TRMT9B: variants seen among roughly 807,000 people sequenced by gnomAD.
TRMT9B encodes the protein probable tRNA methyltransferase 9B.
In TRMT9B, 16 loss-of-function variants were observed where a neutral mutation model predicts 11.5. That is an observed-to-expected ratio of 1.39 (90% CI 0.94 to 2.11). The LOEUF (loss-of-function observed/expected upper bound fraction) is 2.11. Among genes scored for constraint, TRMT9B ranks in the 30% most tolerant of loss-of-function variants. The pLI is 0.00. For synonymous variants in TRMT9B, 274 were observed against 192.4 expected, an observed-to-expected ratio of 1.42 and a Z score of -3.51; for missense variants, 941 against 553.8, an observed-to-expected ratio of 1.70 and a Z score of -7.02.
chr8:12,948,673 A>AT (rs1563292879), intron 1 of TRMT9B, among the ~76,000 whole-genome samples: 1 of 151,970 alleles, frequency 6.6e-6, no homozygotes, highest in African/African-American at 2.4e-5. Flanking sequence ...TTAGAAAAAA[A>AT]CAGAAGGCCA....
At chr8:12,970,019 A>C (rs1803371950) in intron 1 of TRMT9B, 1 of 152,060 alleles carries the variant, frequency 6.6e-6, no homozygotes, top group South Asian at 2.1e-4. Flanking sequence ...GTCCGTGTGG[A>C]ACTCAGAAAC....
At position 13,021,508 on chromosome 8, in the gene TRMT9B, T is replaced by A. The variant is rs748519108; in HGVS notation, c.829T>A (p.Trp277Arg). 3.7e-6 allele frequency: 6 copies of A among 1,613,658 alleles called. No individual in the cohort carries two copies. The highest frequency in any genetic ancestry group is 5.1e-6 in the Non-Finnish European group (6 of 1,179,636). The change falls in exon 5 of 5, where the codon TGG becomes AGG. Residue 277 changes from tryptophan to arginine, a missense_variant. Trp to Arg is a moderately radical substitution (Grantham distance 101). Coordinates refer to ENST00000524591, the MANE Select transcript of TRMT9B (RefSeq NM_020844.3). ...AAGACCCTTGAAAAACACAGAAGTT[T>A]GGGCCAGTAGCACTGTAACAGTCCA... The part of the protein sequence containing the change: ...RVRPLKNTEV[W>R]ASSTVTVQPS...
At chr8:13,016,879 C>A (rs766139350) in intron 4 of TRMT9B, among the ~76,000 whole-genome samples, 62 of 150,108 alleles carry the variant, frequency 4.1e-4, no homozygotes, top group South Asian at 1.1e-3. Flanking sequence ...AAGAATTATA[C>A]ACTTTGGGAG....
At chr8:13,002,543 CAGTT>C (rs757604447) in intron 2 of TRMT9B, among the ~76,000 whole-genome samples, 15 of 152,282 alleles carry the variant, frequency 9.9e-5, no homozygotes, top group South Asian at 6.2e-4. Context: ...GATTTATACT[CAGTT>C]AGGAGTTTGC....
At chr8:13,011,941 G>T (rs1811685655) in intron 3 of TRMT9B, 18 of 985,312 alleles carry the variant, frequency 1.8e-5, no homozygotes, top group Non-Finnish European at 2.2e-5. Context: ...TGTTTGTTTT[G>T]CAGTCAGCAA....
At chr8:13,000,622 T>A (rs1222053125) in intron 2 of TRMT9B, among the ~76,000 whole-genome samples, 1 of 152,222 alleles carries the variant, frequency 6.6e-6, no homozygotes, top group Non-Finnish European at 1.5e-5. Flanking sequence ...ACATTTACGA[T>A]TTCTTTTGAT....
chr8:13,011,321 T>A lies in TRMT9B; in HGVS notation c.155-1363T>A, dbSNP rs375487708. The A allele has an allele frequency of 2.4e-5, 24 of 985,334 alleles. No individual in the cohort carries two copies. The East Asian group carries it at 1.0e-3, about 42-fold the overall frequency. The allele number at this position is 985,334 out of a possible 1,614,324, so 61.0% of individuals were successfully genotyped here. ...TTTTTTATTCATATATTCTCCACTG[T>A]CTCAGCTGGCATTAATGAATCTTAA... On this transcript the variant is annotated intron_variant, in intron 3 of 4. Coordinates refer to ENST00000524591, the MANE Select transcript of TRMT9B (RefSeq NM_020844.3).
At chr8:12,969,663 G>A (rs145036101) in intron 1 of TRMT9B, among the ~76,000 whole-genome samples, 228 of 149,546 alleles carry the variant, frequency 1.5e-3, no homozygotes, top group African/African-American at 5.3e-3. Flanking sequence ...TCTTTTTATT[G>A]TTTCTTTCTT....
rs7826005 is a variant in TRMT9B at position 13,028,867 on chromosome 8, G to A, written c.*6823G>A. 11,288 of 166,874 alleles carry A rather than the reference G, an allele frequency of 0.068. 1,253 individuals are homozygous for A. The highest frequency in any genetic ancestry group is 0.24 in the African/African-American group (9,949 of 41,410). 10.3% of individuals were successfully genotyped at this position (166,874 alleles called of 1,614,324 possible). A position where few individuals can be genotyped will look rare whatever the true frequency, so the allele number is the denominator to read the frequency against. On this transcript the variant is annotated 3_prime_UTR_variant, in exon 5 of 5. Coordinates refer to ENST00000524591, the MANE Select transcript of TRMT9B (RefSeq NM_020844.3). ...TAGATTTTCTATTAATGTACAAGGA[G>A]GGACTCCACTACTAAAGTTTGTTTT... is the stretch of plus-strand genomic sequence containing the variant.
chr8:12,997,296 G>A (rs1808538897), intron 2 of TRMT9B, among the ~76,000 whole-genome samples: 1 of 68,074 alleles, frequency 1.5e-5, no homozygotes, highest in East Asian at 2.7e-4. Context: ...CATGAGAGCT[G>A]GTTGTTTAAA....
At position 12,962,910 on chromosome 8, in the gene TRMT9B, C is replaced by T. The variant is rs369823396; in HGVS notation, c.-200+16944C>T. Among the ~76,000 whole-genome samples the T allele has an allele frequency of 3.3e-5, 5 of 152,278 alleles. No homozygotes were observed. The East Asian group carries it at 7.7e-4, about 24-fold the overall frequency. On this transcript the variant is annotated intron_variant, in intron 1 of 4. Coordinates refer to ENST00000524591, the MANE Select transcript of TRMT9B (RefSeq NM_020844.3). ...ACAGCTGACTGACTTCACGCTGTGG[C>T]TGTGTGTTTGTGCTATAGACGAGGT...
At chr8:12,983,202 A>T (rs909052010) in intron 1 of TRMT9B, among the ~76,000 whole-genome samples, 2 of 152,244 alleles carry the variant, frequency 1.3e-5, no homozygotes, top group African/African-American at 4.8e-5. Flanking sequence ...ACACTGCAGA[A>T]AAAGTGCCTG....
At chr8:12,954,679 G>C (rs1443860617) in intron 1 of TRMT9B, among the ~76,000 whole-genome samples, 1 of 152,228 alleles carries the variant, frequency 6.6e-6, no homozygotes, top group Admixed American at 6.5e-5. Context: ...ACAGACTGAA[G>C]AGTGATGCCA....
chr8:12,977,234 T>C (rs959411140), intron 1 of TRMT9B, among the ~76,000 whole-genome samples: 1 of 152,176 alleles, frequency 6.6e-6, no homozygotes, highest in African/African-American at 2.4e-5. Context: ...TCAGGGTTTA[T>C]TACTAATGCT....
chr8:12,971,363 G>A (rs1433699104), intron 1 of TRMT9B, among the ~76,000 whole-genome samples: 1 of 152,042 alleles, frequency 6.6e-6, no homozygotes, highest in Non-Finnish European at 1.5e-5. Context: ...AGGGAACGGC[G>A]GGCCTGGGCC....
At chr8:12,988,860 A>T (rs1205664058) in intron 1 of TRMT9B, among the ~76,000 whole-genome samples, 1 of 152,156 alleles carries the variant, frequency 6.6e-6, no homozygotes, top group Non-Finnish European at 1.5e-5. Context: ...GCAAGGCATG[A>T]GTTTGGGGAA....
At chr8:13,009,186 T>A (rs1369964738) in intron 3 of TRMT9B, among the ~76,000 whole-genome samples, 1 of 152,046 alleles carries the variant, frequency 6.6e-6, no homozygotes. Context: ...CACTTATACA[T>A]GGGATCTAAA....
intron 1 of TRMT9B, among the ~76,000 whole-genome samples, chr8:12,981,651 G>C (rs759084141): frequency 1.3e-5 from 2 of 151,682 alleles, no homozygotes; most frequent in Non-Finnish European, 2.9e-5. Flanking sequence ...CCAGGCTGGA[G>C]TGCAGTGTTG....
intron 1 of TRMT9B, among the ~76,000 whole-genome samples, chr8:12,985,084 A>G (rs911895589): frequency 1.3e-5 from 2 of 152,078 alleles, no homozygotes; most frequent in Non-Finnish European, 2.9e-5. Context: ...CAGTTCATTT[A>G]GACACATACT....
Sources: gnomAD v4.1 joint callset for allele counts (sites outside exome capture counted in the v4.1 genomes callset) on GRCh38, gnomAD v4.1.1 for gene constraint, MANE v1.5 for transcripts, NCBI Gene and HGNC (gene_info 2026-07-23, HGNC 2026-07-21) for gene names.